The following VPS13A variants were observed in gnomAD, a reference collection of about 807,000 sequenced individuals.
The protein encoded by VPS13A is intermembrane lipid transfer protein VPS13A.
Under a neutral mutation model 390.9 loss-of-function variants are expected in VPS13A, and 264 were observed. The ratio of observed to expected loss-of-function variants is 0.68; its 90% CI spans 0.61 to 0.75. The LOEUF is 0.75. Among genes scored for constraint, VPS13A ranks in the 30% least tolerant of loss-of-function variants. The pLI, the probability that VPS13A is intolerant of heterozygous loss-of-function variation, is 0.00. For synonymous variants in VPS13A, 1,231 were observed against 1,227.1 expected, an observed-to-expected ratio of 1.00 and a Z score of -0.07; for missense variants, 3,409 against 3,733.9, an observed-to-expected ratio of 0.91 and a Z score of 2.27.
chr9:77,400,659 C>T (rs1236541338), intron 68 of VPS13A, among the ~76,000 whole-genome samples: 2 of 151,190 alleles, frequency 1.3e-5, no homozygotes, highest in African/African-American at 4.9e-5. Flanking sequence ...CCCGTCTCTA[C>T]TAAAAATACA....
intron 20 of VPS13A, 59 bp from the exon 21 acceptor site, chr9:77,250,038 C>G: frequency 6.3e-7 from 1 of 1,577,296 alleles, no homozygotes; most frequent in South Asian, 1.1e-5. Context: ...AAATTAAACA[C>G]TTTATACTTA....
chr9:77,180,415 T>C (rs115535819), intron 1 of VPS13A, among the ~76,000 whole-genome samples: 3,043 of 152,350 alleles, frequency 0.02, 68 homozygotes, highest in African/African-American at 0.055. Flanking sequence ...TCCCATTTTG[T>C]CTTTTGCAGA....
chr9:77,184,567 C>T (rs907477158), intron 1 of VPS13A, among the ~76,000 whole-genome samples: 7 of 152,202 alleles, frequency 4.6e-5, no homozygotes, highest in South Asian at 2.1e-4. Flanking sequence ...TGCAGTGAGC[C>T]GAGATCGTGC....
chr9:77,274,983 C>T (rs971958426), intron 24 of VPS13A, among the ~76,000 whole-genome samples: 5 of 152,024 alleles, frequency 3.3e-5, no homozygotes, highest in African/African-American at 9.7e-5. Context: ...TACATATCAA[C>T]GTATATGTAC....
chr9:77,327,846 T>C (rs1203589364), intron 45 of VPS13A, among the ~76,000 whole-genome samples: 3 of 152,142 alleles, frequency 2.0e-5, no homozygotes, highest in Non-Finnish European at 4.4e-5. Context: ...CCTGAATTCC[T>C]CAAAGTCGTC....
intron 19 of VPS13A, among the ~76,000 whole-genome samples, chr9:77,239,977 A>G (rs1255678035): frequency 1.3e-5 from 2 of 148,636 alleles, no homozygotes; most frequent in Non-Finnish European, 3.0e-5. Flanking sequence ...TGAACTTTAT[A>G]TACCATCCCC....
At chr9:77,414,520 A>T (rs1234872202) in intron 71 of VPS13A, among the ~76,000 whole-genome samples, 2 of 151,894 alleles carry the variant, frequency 1.3e-5, no homozygotes, top group Non-Finnish European at 2.9e-5. Context: ...GTTCTCACTC[A>T]TAGGTGGGAA....
At chr9:77,336,802 C>CTTTTT (rs1221241397) in intron 46 of VPS13A, among the ~76,000 whole-genome samples, 51 of 107,950 alleles carry the variant, frequency 4.7e-4, no homozygotes, top group African/African-American at 9.6e-4. Flanking sequence ...ATTTATCTAT[C>CTTTTT]TTTTTTTTTT....
rs561712250 is a variant in VPS13A, at chr9:77,333,849, T to C, written c.6095+1736T>C. Among the ~76,000 whole-genome samples, 2 of 152,320 alleles carry C rather than the reference T, an allele frequency of 1.3e-5. 1 individual carries two copies. Among genetic ancestry groups the C allele is most frequent in the South Asian group, 4.1e-4 (2 of 4,824 alleles). The stretch of plus-strand genomic sequence containing the variant: ...GTAGAATTTAAATATACTGATTCTT[T>C]TATTCATTTAACAAATATTTATCAA... On this transcript the variant is annotated intron_variant, in intron 46 of 71. Coordinates refer to ENST00000360280, the MANE Select transcript of VPS13A (RefSeq NM_033305.3).
chr9:77,206,292 T>C (rs1055925202), intron 5 of VPS13A, among the ~76,000 whole-genome samples: 3 of 150,264 alleles, frequency 2.0e-5, no homozygotes, highest in Non-Finnish European at 3.0e-5. Flanking sequence ...GCAAATAATA[T>C]GTCTAGCTTA....
At position 77,339,489 on chromosome 9, in the gene VPS13A, G is replaced by GTT. The variant is rs765264048; in HGVS notation, c.6379-24_6379-23dup. On this transcript the variant is annotated intron_variant, in intron 47 of 71. Transcript: ENST00000360280. Reference sequence around the variant, plus strand: ...ATTATTCTGCAACATTTTAAATTTTGTTTTGTTTTTTTTTTTTTTATTACA... The same window carrying GTT: ...ATTATTCTGCAACATTTTAAATTTTGTTTTTTGTTTTTTTTTTTTTTATTACA... 2.7e-3 allele frequency: 3,064 copies of GTT among 1,115,418 alleles called. 35 individuals are homozygous for GTT. Among genetic ancestry groups the GTT allele is most frequent in the South Asian group, 5.9e-3 (346 of 58,486 alleles). 69.1% of individuals were successfully genotyped at this position (1,115,418 alleles called of 1,614,324 possible).
At chr9:77,252,145 TAA>T (rs1294932994) in intron 21 of VPS13A, 88 bp from the exon 22 acceptor site, 1 of 1,056,822 alleles carries the variant, frequency 9.5e-7, no homozygotes, top group Admixed American at 1.7e-5. Context: ...TTTCCTCATA[TAA>T]TGGAATGTGT....
chr9:77,203,658 C>T (rs1825465528), intron 3 of VPS13A, among the ~76,000 whole-genome samples: 1 of 152,124 alleles, frequency 6.6e-6, no homozygotes, highest in African/African-American at 2.4e-5. Flanking sequence ...ATTATTTTTA[C>T]AGTTTTGTAA....
chr9:77,281,139 G>C (rs776342231), intron 27 of VPS13A, among the ~76,000 whole-genome samples: 30 of 152,098 alleles, frequency 2.0e-4, no homozygotes, highest in Non-Finnish European at 3.8e-4. Context: ...AGGGATGGGA[G>C]GGAGGGAAGG....
At chr9:77,349,189 T>G (rs531298538) in intron 52 of VPS13A, among the ~76,000 whole-genome samples, 1 of 152,292 alleles carries the variant, frequency 6.6e-6, no homozygotes, top group Non-Finnish European at 1.5e-5. Flanking sequence ...TTTCCTTTCC[T>G]TTCCTCCCTC....
intron 1 of VPS13A, among the ~76,000 whole-genome samples, chr9:77,196,053 C>T (rs1423074421): frequency 6.6e-6 from 1 of 151,746 alleles, no homozygotes; most frequent in Non-Finnish European, 1.5e-5. Flanking sequence ...CCTTTTTGAC[C>T]CGTTTCTTAT....
rs1441200093 is a variant in VPS13A, at chr9:77,419,829, C to T, written c.*3823C>T. The T allele has an allele frequency of 6.6e-6, 1 of 152,160 alleles. No individual in the cohort carries two copies. Among genetic ancestry groups the T allele is most frequent in the Non-Finnish European group, 1.5e-5 (1 of 68,022 alleles). The allele number at this position is 152,160 out of a possible 1,614,324, so 9.4% of individuals were successfully genotyped here. A position where few individuals can be genotyped will look rare whatever the true frequency, so the allele number is the denominator to read the frequency against. The stretch of plus-strand genomic sequence containing the variant: ...CACCATCTACCTTTTGGCTGATTCA[C>T]CATACAGGTGGCAAAGGCCTTTAAA... On this transcript the variant is annotated 3_prime_UTR_variant, in exon 72 of 72. Coordinates refer to ENST00000360280, the MANE Select transcript of VPS13A (RefSeq NM_033305.3).
rs1833464571 is a variant in VPS13A at position 77,381,978 on chromosome 9, C to T, written c.9080C>T (p.Ala3027Val). The T allele has an allele frequency of 1.9e-6, 3 of 1,598,614 alleles. No individual in the cohort carries two copies. Among genetic ancestry groups the T allele is most frequent in the Non-Finnish European group, 2.6e-6 (3 of 1,170,752 alleles). Residue 3027 changes from alanine (A) to valine (V), a missense_variant and splice_region_variant, in exon 68 of 72, where the codon GCT becomes GTT. Physicochemically the swap from Ala to Val is moderately conservative, Grantham distance 64. Transcript: ENST00000360280. ...ASSTFQGIKR[A>V]TETSEVESLR... ...AAGTTATATTTTTTTTCCTCTAGAG[C>T]TACAGAGACTTCTGAAGTGGAGAGT...
rs372027471 is a variant in VPS13A, at chr9:77,273,351, T to C, written c.2499T>C (p.Ser833=). 169 of 1,609,858 alleles carry C rather than the reference T, an allele frequency of 1.0e-4. No homozygotes were observed. Among genetic ancestry groups the C allele is most frequent in the Non-Finnish European group, 1.3e-4 (156 of 1,177,820 alleles). Reference sequence around the variant, plus strand: ...TAATTCCTCTCTTGGAACTTCCATCTGTTTCTGAAGATGGTAAAATGAAAC... The same window carrying C: ...TAATTCCTCTCTTGGAACTTCCATCCGTTTCTGAAGATGGTAAAATGAAAC... ...QKIIPLLELP[S]VSEDDSEEEF... Residue 833 remains serine (S), a synonymous_variant, in exon 24 of 72, where the codon TCT becomes TCC. Coordinates refer to ENST00000360280, the MANE Select transcript of VPS13A (RefSeq NM_033305.3).
Sources: gnomAD v4.1 joint callset for allele counts (sites outside exome capture counted in the v4.1 genomes callset) on GRCh38, gnomAD v4.1.1 for gene constraint, MANE v1.5 for transcripts, NCBI Gene and HGNC (gene_info 2026-07-23, HGNC 2026-07-21) for gene names.